The following BMP8B variants were observed in gnomAD, a reference collection of about 807,000 sequenced individuals.
The protein encoded by BMP8B is bone morphogenetic protein 8b.
Under a neutral mutation model 30.3 loss-of-function variants are expected in BMP8B, and 17 were observed. The observed-to-expected ratio is 0.56, with a 90% CI of 0.38 to 0.84. The LOEUF (loss-of-function observed/expected upper bound fraction) is 0.84. Among genes scored for constraint, BMP8B ranks in the 40% least tolerant of loss-of-function variants. The probability of loss-of-function intolerance (pLI) is 0.00; values close to 1 mark genes in which losing one functional copy is unlikely to be tolerated. For missense variants in BMP8B, 253 were observed against 494.6 expected (o/e 0.51, Z 4.63); for synonymous variants, 131 against 214.7 (o/e 0.61, Z 3.41).
intron 3 of BMP8B, chr1:39,769,622 G>A (rs1649806025): frequency 6.9e-7 from 1 of 1,444,360 alleles, no homozygotes; most frequent in Non-Finnish European, 9.1e-7. Context: ...CCCTCCCAGA[G>A]CTGGGGACAT....
rs41267035 is a variant in BMP8B, at chr1:39,760,430, C to T, written c.1198G>A (p.Gly400Ser). The change falls in exon 7 of 7, where the codon GGC (glycine) becomes AGC (serine). Residue 400 changes from glycine (G) to serine (S), a missense_variant. Physicochemically the swap from Gly to Ser is moderately conservative, Grantham distance 56. Coordinates refer to ENST00000372827, the MANE Select transcript of BMP8B (RefSeq NM_001720.5). ...KHRNMVVKAC[G>S]CH ...CCGGGCGGGTGGACTCAGTGGCAGC[C>T]GCAGGCCTTGACCACCATGTTGCGG... 8.0e-4 allele frequency: 1,299 copies of T among 1,613,982 alleles called. No homozygotes were observed. The highest frequency in any genetic ancestry group is 9.8e-4 in the Non-Finnish European group (1,158 of 1,180,026).
chr1:39,760,569 C>T lies in BMP8B; in HGVS notation c.1060-1G>A. On this transcript the variant is annotated splice_acceptor_variant, in intron 6 of 6. Transcript: ENST00000372827. LOFTEE classifies it high-confidence loss of function. Reference sequence around the variant, plus strand: ...CTGCGTCTGGCATCATCAGGTGCACCTGGCCAGGAAGAGGGCACAGGCAGG... The same window carrying T: ...CTGCGTCTGGCATCATCAGGTGCACTTGGCCAGGAAGAGGGCACAGGCAGG... The T allele has an allele frequency of 6.2e-7, 1 of 1,613,432 alleles. No individual in the cohort carries two copies. Among genetic ancestry groups the T allele is most frequent in the Non-Finnish European group, 8.5e-7 (1 of 1,179,948 alleles).
chr1:39,788,176 G>C lies in BMP8B; in HGVS notation c.310C>G (p.Leu104Val). 3.8e-6 allele frequency: 6 copies of C among 1,574,872 alleles called. No homozygotes were observed. Among genetic ancestry groups the C allele is most frequent in the Non-Finnish European group, 5.1e-6 (6 of 1,170,268 alleles). ...PAERRLGRAD[L>V]VMSFVNMVER... Reference sequence around the variant, plus strand: ...CCCATGTTAACGAAGCTCATGACCAGGTCGGCGCGGCCCAGGCGCCGCTCC... The same window carrying C: ...CCCATGTTAACGAAGCTCATGACCACGTCGGCGCGGCCCAGGCGCCGCTCC... The change falls in exon 1 of 7, where the codon CTG becomes GTG. Residue 104 changes from leucine to valine, a missense_variant. Physicochemically the swap from Leu to Val is conservative, Grantham distance 32. Coordinates refer to ENST00000372827, the MANE Select transcript of BMP8B (RefSeq NM_001720.5). This position sits in a 1 kb window ranked among gnomAD's most constrained non-coding sequence, Gnocchi z 5.8.
At position 39,760,573 on chromosome 1, in the gene BMP8B, C is replaced by A; in HGVS notation, c.1060-5G>T. 1 of 1,613,026 alleles carries A rather than the reference C, an allele frequency of 6.2e-7. No homozygotes were observed. On this transcript the variant is annotated splice_polypyrimidine_tract_variant and splice_region_variant and intron_variant, in intron 6 of 6. Transcript: ENST00000372827. ...GTCTGGCATCATCAGGTGCACCTGGCCAGGAAGAGGGCACAGGCAGGGGCA... is the reference window on the plus strand; with the variant it reads ...GTCTGGCATCATCAGGTGCACCTGGACAGGAAGAGGGCACAGGCAGGGGCA...
intron 6 of BMP8B, among the ~76,000 whole-genome samples, chr1:39,761,031 C>T (rs1415824770): frequency 6.6e-6 from 1 of 152,108 alleles, no homozygotes; most frequent in Non-Finnish European, 1.5e-5. Flanking sequence ...AGGCCTCCGC[C>T]CCTCTCCTGT....
chr1:39,761,831 G>A lies in BMP8B; in HGVS notation c.1059+1261C>T, dbSNP rs752246577. Among the ~76,000 whole-genome samples, 182 of 152,280 alleles carry A rather than the reference G, an allele frequency of 1.2e-3. 3 individuals are homozygous for A. Among genetic ancestry groups the A allele is most frequent in the Admixed American group, 1.7e-3 (26 of 15,304 alleles). ...TCCTCACAGGAGGCGTCACCTCCAC[G>A]GTTGTTTTGCTTTGGACAAACCAAC... On this transcript the variant is annotated intron_variant, in intron 6 of 6. Transcript: ENST00000372827.
At chr1:39,786,054 G>A (rs1325654403) in intron 1 of BMP8B, among the ~76,000 whole-genome samples, 3 of 152,282 alleles carry the variant, frequency 2.0e-5, no homozygotes, top group Admixed American at 1.3e-4. Flanking sequence ...ATCCACAGCC[G>A]TGGATGTCAC....
rs1238045370 is a variant in BMP8B at position 39,764,205 on chromosome 1, G to A, written c.869-414C>T. The stretch of plus-strand genomic sequence containing the variant: ...TCAAGGGCCGACTCCCTGGGAAGGA[G>A]GGCACGGGGTTGGGTCAGGCCTGTC... On this transcript the variant is annotated intron_variant, in intron 4 of 6. Transcript: ENST00000372827. Among the ~76,000 whole-genome samples, 17 of 152,394 alleles carry A rather than the reference G, an allele frequency of 1.1e-4. No homozygotes were observed. In the South Asian group the frequency reaches 2.3e-3, roughly 20 times the overall value.
Position 39,771,133 on chromosome 1 carries a change from C to G in BMP8B, c.673+3175G>C. 5 of 1,556,392 alleles carry G rather than the reference C, an allele frequency of 3.2e-6. 1 individual carries two copies. Among genetic ancestry groups the G allele is most frequent in the Non-Finnish European group, 4.4e-6 (5 of 1,139,856 alleles). On this transcript the variant is annotated intron_variant, in intron 3 of 6. Transcript: ENST00000372827. ...CCATCTCCACCGGGTCCGCGTAGAACTTGGCACGGAGCCGGGGACTGGTGG... is the reference window on the plus strand; with the variant it reads ...CCATCTCCACCGGGTCCGCGTAGAAGTTGGCACGGAGCCGGGGACTGGTGG...
chr1:39,785,538 G>A (rs1281405122), intron 1 of BMP8B, among the ~76,000 whole-genome samples: 1 of 152,246 alleles, frequency 6.6e-6, no homozygotes, highest in Non-Finnish European at 1.5e-5. Flanking sequence ...GGGTCCCACA[G>A]GCTGCCATCA....
intron 1 of BMP8B, among the ~76,000 whole-genome samples, chr1:39,786,869 A>G (rs536547067): frequency 6.6e-6 from 1 of 152,344 alleles, no homozygotes; most frequent in East Asian, 1.9e-4. Flanking sequence ...GGTTGCGGGA[A>G]GCAGAGGCTT....
At position 39,760,382 on chromosome 1, in the gene BMP8B, T is replaced by G. The variant is rs1453115599; in HGVS notation, c.*37A>C. On this transcript the variant is annotated 3_prime_UTR_variant, in exon 7 of 7. Transcript: ENST00000372827. ...CTGCTTCTGAGGGGCCCGATCCAGA[T>G]GAGAAGGGTGGCTGCAGCTGGGCCG... 8 of 1,611,278 alleles carry G rather than the reference T, an allele frequency of 5.0e-6. No homozygotes were observed. The East Asian group carries it at 1.8e-4, about 36-fold the overall frequency.
At chr1:39,776,404 G>A (rs1208363070) in intron 1 of BMP8B, among the ~76,000 whole-genome samples, 2 of 152,258 alleles carry the variant, frequency 1.3e-5, no homozygotes, top group African/African-American at 2.4e-5. Context: ...CCAGCACTGA[G>A]ATTTCAATGA....
rs1452402552 is a variant in BMP8B, at chr1:39,757,966, A to C, written c.*2453T>G. Reference sequence around the variant, plus strand: ...CCATTGTTCTGTATGAACCAGGAGGATCACGGCTCGTATTGGTTCCTGCTA... The same window carrying C: ...CCATTGTTCTGTATGAACCAGGAGGCTCACGGCTCGTATTGGTTCCTGCTA... On this transcript the variant is annotated 3_prime_UTR_variant, in exon 7 of 7. Transcript: ENST00000372827. The C allele has an allele frequency of 6.6e-6, 1 of 152,232 alleles. No individual in the cohort carries two copies. The highest frequency in any genetic ancestry group is 1.5e-5 in the Non-Finnish European group (1 of 68,058). The allele number at this position is 152,232 out of a possible 1,614,324, so 9.4% of individuals were successfully genotyped here. A position where few individuals can be genotyped will look rare whatever the true frequency, so the allele number is the denominator to read the frequency against.
intron 1 of BMP8B, among the ~76,000 whole-genome samples, chr1:39,782,149 C>T (rs1001795313): frequency 4.4e-5 from 5 of 114,834 alleles, no homozygotes; most frequent in African/African-American, 2.0e-4. Flanking sequence ...AAAACTCCAT[C>T]TCAAAAAAAA....
chr1:39,786,897 T>C (rs230326), intron 1 of BMP8B, among the ~76,000 whole-genome samples: 101,479 of 152,126 alleles, frequency 0.67, 34,137 homozygotes, highest in Middle Eastern at 0.79. Context: ...CCCTCTTCTG[T>C]CCTAGTGTAG....
intron 6 of BMP8B, among the ~76,000 whole-genome samples, chr1:39,761,003 C>T (rs1648887208): frequency 6.6e-6 from 1 of 152,076 alleles, no homozygotes; most frequent in Non-Finnish European, 1.5e-5. Flanking sequence ...GGCCTCCCTC[C>T]CCAGTCTCTG....
intron 1 of BMP8B, among the ~76,000 whole-genome samples, chr1:39,776,012 T>A (rs1294133729): frequency 6.6e-6 from 1 of 152,300 alleles, no homozygotes; most frequent in Non-Finnish European, 1.5e-5. Flanking sequence ...GGACGGCACA[T>A]GAGCTCTGCT....
Position 39,788,677 on chromosome 1 carries a change from T to A in BMP8B, c.-192A>T. 1.1e-5 allele frequency: 4 copies of A among 356,058 alleles called. No individual in the cohort carries two copies. The highest frequency in any genetic ancestry group is 1.6e-5 in the Non-Finnish European group (4 of 255,300). The allele number at this position is 356,058 out of a possible 1,614,324, so 22.1% of individuals were successfully genotyped here. ...AGCGCCCGCCGCGCGACACCTGTCC[T>A]GGCTCCTGGACGAGAGGACGCGGAC... On this transcript the variant is annotated 5_prime_UTR_variant, in exon 1 of 7. Transcript: ENST00000372827. The surrounding 1 kb of genome is among the most constrained non-coding windows in gnomAD (Gnocchi z 5.8).
Sources: allele counts gnomAD v4.1 joint callset (sites outside exome capture counted in the v4.1 genomes callset), GRCh38; gene constraint gnomAD v4.1.1; non-coding constraint Gnocchi (gnomAD v3.1); transcripts MANE v1.5; gene names NCBI Gene and HGNC (gene_info 2026-07-23, HGNC 2026-07-21).